ADGRL2: variants seen among roughly 807,000 people sequenced by gnomAD.
ADGRL2 encodes the protein calcium-independent alpha-latrotoxin receptor 2.
Under a neutral mutation model 157.4 loss-of-function variants are expected in ADGRL2, and 44 were observed. The ratio of observed to expected loss-of-function variants is 0.28; its 90% CI spans 0.22 to 0.36. The LOEUF is 0.36. ADGRL2 is among the 10% of genes least tolerant of loss of function. The probability of loss-of-function intolerance (pLI) is 1.00; values close to 1 mark genes in which losing one functional copy is unlikely to be tolerated. For synonymous variants in ADGRL2, 585 were observed against 624.7 expected (o/e 0.94, Z 0.95); for missense variants, 1,510 against 1,768.9 (o/e 0.85, Z 2.63).
At chr1:81,543,496 C>T (rs1438448342) in intron 2 of ADGRL2, among the ~76,000 whole-genome samples, 3 of 152,144 alleles carry the variant, frequency 2.0e-5, no homozygotes, top group Admixed American at 6.5e-5. Flanking sequence ...GTTGTTAAAG[C>T]GGTATGAATG....
chr1:81,769,752 T>G (rs1247391660), intron 2 of ADGRL2, among the ~76,000 whole-genome samples: 1 of 152,194 alleles, frequency 6.6e-6, no homozygotes, highest in Non-Finnish European at 1.5e-5. Flanking sequence ...TATGTACAGA[T>G]CAATCTGAAG....
At chr1:81,828,429 G>T (rs2150035357) in intron 1 of ADGRL2, among the ~76,000 whole-genome samples, 1 of 151,830 alleles carries the variant, frequency 6.6e-6, no homozygotes, top group South Asian at 2.1e-4. Context: ...GCAGATTTTT[G>T]CTTTTCTTTA....
intron 3 of ADGRL2, among the ~76,000 whole-genome samples, chr1:81,609,186 C>T (rs934918299): frequency 5.9e-5 from 9 of 151,906 alleles, no homozygotes; most frequent in African/African-American, 9.7e-5. Context: ...GTTACAGCTG[C>T]GTGCCACCAC....
At chr1:81,698,620 A>G (rs2083493673), upstream of ADGRL2, among the ~76,000 whole-genome samples, 1 of 152,170 alleles carries the variant, frequency 6.6e-6, no homozygotes, top group African/African-American at 2.4e-5. Context: ...GCTTGATTTA[A>G]ATGTCAGTAA....
Position 81,604,124 on chromosome 1 carries a change from C to T in ADGRL2, c.-143+23144C>T, listed in dbSNP as rs188240301. Among the ~76,000 whole-genome samples, 106 of 152,056 alleles carry T rather than the reference C, an allele frequency of 7.0e-4. 1 individual carries two copies. The highest frequency in any genetic ancestry group is 2.3e-3 in the African/African-American group (94 of 41,502). The stretch of plus-strand genomic sequence containing the variant: ...GATTACAGGCGCATGCCACCACACC[C>T]GGTTAATTTTTTTTAATTTTGGTAG... On this transcript the variant is annotated intron_variant, in intron 3 of 24. Coordinates refer to the ADGRL2 transcript ENST00000370721.
At chr1:81,604,189 G>A (rs141761043) in intron 3 of ADGRL2, among the ~76,000 whole-genome samples, 3,655 of 152,014 alleles carry the variant, frequency 0.024, 144 homozygotes, top group African/African-American at 0.084. Context: ...GGTTTCGAAC[G>A]CCTGACCTCA....
chr1:81,388,955 T>G (rs190259607), intron 1 of ADGRL2, among the ~76,000 whole-genome samples: 2 of 152,084 alleles, frequency 1.3e-5, no homozygotes, highest in African/African-American at 2.4e-5. Flanking sequence ...CAGTCCCTTG[T>G]TTGAAGACCC....
At chr1:81,698,031 G>T (rs374771667), upstream of ADGRL2, among the ~76,000 whole-genome samples, 3 of 152,304 alleles carry the variant, frequency 2.0e-5, no homozygotes, top group African/African-American at 7.2e-5. Context: ...GGCATTAAAA[G>T]CCATATCATG....
At chr1:81,712,189 A>C (rs1037894992) in intron 1 of ADGRL2, among the ~76,000 whole-genome samples, 2 of 152,204 alleles carry the variant, frequency 1.3e-5, no homozygotes, top group African/African-American at 4.8e-5. Context: ...ATTAATAGAC[A>C]ATTACCACTA....
chr1:81,709,467 G>T (rs2083852040), intron 1 of ADGRL2, among the ~76,000 whole-genome samples: 1 of 152,064 alleles, frequency 6.6e-6, no homozygotes, highest in South Asian at 2.1e-4. Flanking sequence ...GAGTTATCAA[G>T]AAGATATTTT....
chr1:81,848,334 G>T (rs1320643993), intron 2 of ADGRL2, among the ~76,000 whole-genome samples: 1 of 151,714 alleles, frequency 6.6e-6, no homozygotes, highest in East Asian at 1.9e-4. Flanking sequence ...TGGAATTAAA[G>T]AATTTTGGAC....
intron 1 of ADGRL2, among the ~76,000 whole-genome samples, chr1:81,811,391 T>C (rs1459372773): frequency 6.6e-6 from 1 of 151,822 alleles, no homozygotes. Context: ...TTACATGTTA[T>C]CAAGGTGATA....
chr1:81,694,911 C>T (rs1189462366), upstream of ADGRL2, among the ~76,000 whole-genome samples: 1 of 152,108 alleles, frequency 6.6e-6, no homozygotes, highest in African/African-American at 2.4e-5. Flanking sequence ...TACATATGTA[C>T]ATATATGCAT....
intron 3 of ADGRL2, among the ~76,000 whole-genome samples, chr1:81,601,530 C>G (rs2081333264): frequency 6.6e-6 from 1 of 152,146 alleles, no homozygotes; most frequent in East Asian, 1.9e-4. Flanking sequence ...CATACAACCC[C>G]TCTTCCCCAT....
intron 2 of ADGRL2, among the ~76,000 whole-genome samples, chr1:81,781,782 C>G (rs541227388): frequency 6.6e-6 from 1 of 152,136 alleles, no homozygotes; most frequent in Admixed American, 6.5e-5. Context: ...CACACAATTG[C>G]CAGGGACACT....
intron 1 of ADGRL2, among the ~76,000 whole-genome samples, chr1:81,343,448 T>G (rs1219304136): frequency 6.6e-6 from 1 of 152,234 alleles, no homozygotes; most frequent in Non-Finnish European, 1.5e-5. Context: ...AATAAAAACA[T>G]GTTTTAAGGG....
chr1:81,551,774 A>G (rs1194253126), intron 2 of ADGRL2, among the ~76,000 whole-genome samples: 1 of 152,226 alleles, frequency 6.6e-6, no homozygotes, highest in Non-Finnish European at 1.5e-5. Flanking sequence ...TACTTCTGAA[A>G]CATATAGCTT....
chr1:81,876,248 G>A (rs142791936), intron 2 of ADGRL2, among the ~76,000 whole-genome samples: 291 of 152,166 alleles, frequency 1.9e-3, no homozygotes, highest in African/African-American at 6.8e-3. Flanking sequence ...CTTTGAATGT[G>A]TTTCTGAAAT....
chr1:81,379,496 C>T (rs1443390440), intron 1 of ADGRL2, among the ~76,000 whole-genome samples: 8 of 152,120 alleles, frequency 5.3e-5, no homozygotes, highest in African/African-American at 9.7e-5. Context: ...CACACATGGG[C>T]TTAAGGAATG....
Sources: allele counts gnomAD v4.1 joint callset (sites outside exome capture counted in the v4.1 genomes callset), GRCh38; gene constraint gnomAD v4.1.1; transcripts MANE v1.5; gene names NCBI Gene and HGNC (gene_info 2026-07-23, HGNC 2026-07-21).